DPH6: variants seen among roughly 807,000 people sequenced by gnomAD.
The protein encoded by DPH6 is diphthine--ammonia ligase.
In DPH6, 33 loss-of-function variants were observed where a neutral mutation model predicts 38.2. That is an observed-to-expected ratio of 0.86 (90% CI 0.65 to 1.15). DPH6 has a LOEUF of 1.15. DPH6 is among the 50% of genes most tolerant of loss of function. DPH6 has a pLI of 0.00. For synonymous variants in DPH6, 108 were observed against 103.0 expected (o/e 1.05, Z -0.30); for missense variants, 325 against 320.0 (o/e 1.02, Z -0.12).
intron 6 of DPH6, among the ~76,000 whole-genome samples, chr15:35,385,188 A>G (rs2052933289): frequency 6.6e-6 from 1 of 152,224 alleles, no homozygotes; most frequent in South Asian, 2.1e-4. Flanking sequence ...AATTAGTTCA[A>G]CCATTGTGGA....
intron 3 of DPH6, among the ~76,000 whole-genome samples, chr15:35,242,742 C>G (rs2051608987): frequency 7.0e-6 from 1 of 142,716 alleles, no homozygotes. Context: ...CAAGGTACAG[C>G]CCATTTGAGC....
At chr15:35,198,028 A>T in the DPH6 span, among the ~76,000 whole-genome samples, 2 of 152,134 alleles carry the variant, frequency 1.3e-5, no homozygotes, top group Admixed American at 1.3e-4. Flanking sequence ...ATTTTATATA[A>T]AAAAAAGAAA....
At chr15:35,501,522 G>A (rs2054627461) in intron 3 of DPH6, among the ~76,000 whole-genome samples, 2 of 152,024 alleles carry the variant, frequency 1.3e-5, no homozygotes, top group Non-Finnish European at 2.9e-5. Context: ...ATAAAGGCTT[G>A]GTCTCTGTTA....
chr15:35,417,740 A>G (rs2053454209), intron 5 of DPH6, among the ~76,000 whole-genome samples: 1 of 152,086 alleles, frequency 6.6e-6, no homozygotes, highest in African/African-American at 2.4e-5. Flanking sequence ...TCCATCTTAC[A>G]TATCCATTCC....
downstream of DPH6, among the ~76,000 whole-genome samples, chr15:35,327,809 TAGATA>T (rs2023900969): frequency 6.6e-6 from 1 of 152,190 alleles, no homozygotes; most frequent in South Asian, 2.1e-4. Flanking sequence ...CATGCTTTGT[TAGATA>T]AATAGAGTAT....
intron 3 of DPH6, chr15:35,521,384 T>A: frequency 9.4e-7 from 1 of 1,059,876 alleles, no homozygotes; most frequent in Non-Finnish European, 1.1e-6. Context: ...ATAGACTATA[T>A]CATCTAAAGA....
At chr15:35,281,283 C>T (rs1291524396) in intron 3 of DPH6, among the ~76,000 whole-genome samples, 1 of 152,062 alleles carries the variant, frequency 6.6e-6, no homozygotes, top group Non-Finnish European at 1.5e-5. Flanking sequence ...TGACTGCTTC[C>T]TTTTAAAACT....
intron 3 of DPH6, among the ~76,000 whole-genome samples, chr15:35,286,143 T>C (rs1261928337): frequency 6.6e-6 from 1 of 152,136 alleles, no homozygotes; most frequent in Non-Finnish European, 1.5e-5. Flanking sequence ...ATATTTGAGT[T>C]TCATCACAGA....
chr15:35,239,121 T>C lies in DPH6; in HGVS notation n.201-18539A>G, dbSNP rs999992735. ...TTGGGAGATCAATCCCCCGTCCTCC[T>C]GCTCTTTGCTCCGTGAGAAAGATCC... is the stretch of plus-strand genomic sequence containing the variant. On this transcript the variant is annotated intron_variant and non_coding_transcript_variant, in intron 3 of 3. Coordinates refer to the DPH6 transcript ENST00000560386. Among the ~76,000 whole-genome samples the C allele has an allele frequency of 2.1e-5, 3 of 144,116 alleles. 1 individual carries two copies. Among genetic ancestry groups the C allele is most frequent in the African/African-American group, 7.5e-5 (3 of 39,812 alleles). 94.5% of individuals were successfully genotyped at this position (144,116 alleles called of 152,430 possible).
downstream of DPH6, among the ~76,000 whole-genome samples, chr15:35,327,265 A>C (rs140061524): frequency 3.8e-3 from 583 of 152,168 alleles, 5 homozygotes; most frequent in African/African-American, 0.014. Context: ...TGCTTCCTAA[A>C]ATCGACTTTC....
intron 3 of DPH6, among the ~76,000 whole-genome samples, chr15:35,334,280 C>T (rs1032308659): frequency 2.6e-5 from 4 of 151,964 alleles, no homozygotes; most frequent in East Asian, 1.9e-4. Context: ...TAATTAAGTT[C>T]GGTTTAAAAT....
At chr15:35,269,892 G>A (rs1319690653) in intron 3 of DPH6, among the ~76,000 whole-genome samples, 2 of 146,604 alleles carry the variant, frequency 1.4e-5, no homozygotes, top group East Asian at 2.1e-4. Context: ...CTGGGTTCAC[G>A]CCATTCTCCT....
intron 3 of DPH6, chr15:35,521,486 T>TA: frequency 8.3e-7 from 1 of 1,207,258 alleles, no homozygotes; most frequent in Non-Finnish European, 1.0e-6. Flanking sequence ...AATTAATGCT[T>TA]ACAACAGAAT....
intron 3 of DPH6, among the ~76,000 whole-genome samples, chr15:35,496,342 G>T (rs913973922): frequency 6.6e-6 from 1 of 151,364 alleles, no homozygotes; most frequent in Non-Finnish European, 1.5e-5. Flanking sequence ...ATCACCTGAG[G>T]TCAGGAGTTT....
chr15:35,392,600 G>C (rs1407272646), intron 6 of DPH6, among the ~76,000 whole-genome samples: 2 of 152,106 alleles, frequency 1.3e-5, no homozygotes, highest in Non-Finnish European at 2.9e-5. Context: ...TTAGGTACTA[G>C]GGATAAAAAT....
intron 3 of DPH6, among the ~76,000 whole-genome samples, chr15:35,261,688 T>C (rs1490982720): frequency 6.6e-6 from 1 of 151,870 alleles, no homozygotes; most frequent in Non-Finnish European, 1.5e-5. Context: ...AAAAAGTTAT[T>C]TGGGTGTGGT....
At chr15:35,336,886 A>G (rs889235685) in intron 3 of DPH6, among the ~76,000 whole-genome samples, 3 of 152,052 alleles carry the variant, frequency 2.0e-5, no homozygotes, top group African/African-American at 7.2e-5. Context: ...ATGTTCATCA[A>G]GGATATTGGT....
chr15:35,512,592 C>T (rs770876753), intron 3 of DPH6, among the ~76,000 whole-genome samples: 2 of 151,916 alleles, frequency 1.3e-5, no homozygotes, highest in Non-Finnish European at 2.9e-5. Flanking sequence ...GACTGAATTG[C>T]CCTAACATAT....
At chr15:35,186,415 C>T in the DPH6 span, among the ~76,000 whole-genome samples, 1 of 152,178 alleles carries the variant, frequency 6.6e-6, no homozygotes, top group African/African-American at 2.4e-5. Flanking sequence ...ATTCAGAGGT[C>T]ATCTCCTTCA....
Sources: gnomAD v4.1 joint callset for allele counts (sites outside exome capture counted in the v4.1 genomes callset) on GRCh38, gnomAD v4.1.1 for gene constraint, MANE v1.5 for transcripts, NCBI Gene and HGNC (gene_info 2026-07-23, HGNC 2026-07-21) for gene names.